ZFPM2: variants seen among roughly 807,000 people sequenced by gnomAD.
ZFPM2 encodes zinc finger protein, FOG family member 2, also known as zinc finger protein ZFPM2.
Under a neutral mutation model 98.6 loss-of-function variants are expected in ZFPM2, and 20 were observed. The ratio of observed to expected loss-of-function variants is 0.20; its 90% CI spans 0.14 to 0.29. The LOEUF (loss-of-function observed/expected upper bound fraction) is 0.29. Ranked by LOEUF, ZFPM2 falls within the 10% of genes least tolerant of loss-of-function variation. The pLI, the probability that ZFPM2 is intolerant of heterozygous loss-of-function variation, is 1.00. For synonymous variants in ZFPM2, 518 were observed against 502.7 expected (o/e 1.03, Z -0.41); for missense variants, 1,310 against 1,388.6 (o/e 0.94, Z 0.90).
chr8:105,453,868 A>T (rs929848626), intron 3 of ZFPM2, among the ~76,000 whole-genome samples: 5 of 151,746 alleles, frequency 3.3e-5, no homozygotes, highest in Non-Finnish European at 7.4e-5. Context: ...CAAGTGATCC[A>T]CCCGCCTCAG....
intron 5 of ZFPM2, among the ~76,000 whole-genome samples, chr8:105,682,744 A>C (rs962676195): frequency 6.6e-6 from 1 of 151,964 alleles, no homozygotes; most frequent in Non-Finnish European, 1.5e-5. Flanking sequence ...TGTATGCTCT[A>C]AAAGATGAGT....
chr8:105,746,663 T>G (rs1812355946), intron 5 of ZFPM2, among the ~76,000 whole-genome samples: 2 of 149,902 alleles, frequency 1.3e-5, no homozygotes, highest in Non-Finnish European at 3.0e-5. Flanking sequence ...AAATTTTTTT[T>G]TTTTTTTTTT....
intron 4 of ZFPM2, among the ~76,000 whole-genome samples, chr8:105,569,869 G>A (rs1216031681): frequency 6.6e-6 from 1 of 152,034 alleles, no homozygotes; most frequent in Non-Finnish European, 1.5e-5. Flanking sequence ...CCCACTGTGA[G>A]CAATTTTCTA....
chr8:105,803,637 CAGG>C lies in ZFPM2; in HGVS notation c.*102_*104del, dbSNP rs1418697086. 25 of 1,202,630 alleles carry C rather than the reference CAGG, an allele frequency of 2.1e-5. No homozygotes were observed. The highest frequency in any genetic ancestry group is 3.0e-5 in the Non-Finnish European group (25 of 846,922). The allele number at this position is 1,202,630 out of a possible 1,614,324, so 74.5% of individuals were successfully genotyped here. A position where few individuals can be genotyped will look rare whatever the true frequency, so the allele number is the denominator to read the frequency against. ...GCTGTTTGAATTACATCTGGGCAAT[CAGG>C]AGATAATTCATTATGGCTGAGTTGA... On this transcript the variant is annotated 3_prime_UTR_variant, in exon 8 of 8. Coordinates refer to ENST00000407775, the MANE Select transcript of ZFPM2 (RefSeq NM_012082.4).
intron 5 of ZFPM2, among the ~76,000 whole-genome samples, chr8:105,721,523 A>T (rs1811664404): frequency 6.6e-6 from 1 of 151,998 alleles, no homozygotes; most frequent in Non-Finnish European, 1.5e-5. Flanking sequence ...TTTTTTAAAA[A>T]AAGTAATATA....
chr8:105,738,399 G>A lies in ZFPM2; in HGVS notation c.533-50319G>A, dbSNP rs113773158. 9.9e-3 allele frequency among the ~76,000 whole-genome samples: 1,509 copies of A among 152,032 alleles called. 26 individuals are homozygous for A. Among genetic ancestry groups the A allele is most frequent in the African/African-American group, 0.034 (1,402 of 41,488 alleles). On this transcript the variant is annotated intron_variant, in intron 5 of 7. Coordinates refer to ENST00000407775, the MANE Select transcript of ZFPM2 (RefSeq NM_012082.4). ...GTATTCTGTGGTGTCTATGTACCACGTTTTCTTTATCCAGTCTATCACTCA... is the reference window on the plus strand; with the variant it reads ...GTATTCTGTGGTGTCTATGTACCACATTTTCTTTATCCAGTCTATCACTCA...
intron 1 of ZFPM2, among the ~76,000 whole-genome samples, chr8:105,373,321 AATC>A (rs1391555781): frequency 6.6e-6 from 1 of 152,200 alleles, no homozygotes; most frequent in Non-Finnish European, 1.5e-5. Context: ...TACATCAAGA[AATC>A]ATTTTGAGCT....
intron 5 of ZFPM2, among the ~76,000 whole-genome samples, chr8:105,727,421 G>A (rs763289508): frequency 6.6e-6 from 1 of 151,626 alleles, no homozygotes; most frequent in Non-Finnish European, 1.5e-5. Context: ...TGTACTATGC[G>A]ATCTCCTACT....
chr8:105,424,905 G>A (rs1811876271), intron 2 of ZFPM2, among the ~76,000 whole-genome samples: 1 of 152,180 alleles, frequency 6.6e-6, no homozygotes, highest in Admixed American at 6.5e-5. Flanking sequence ...TGAGATAGAG[G>A]ATCATGAGGA....
At chr8:105,568,222 C>T (rs146214076) in intron 4 of ZFPM2, among the ~76,000 whole-genome samples, 1 of 152,014 alleles carries the variant, frequency 6.6e-6, no homozygotes, top group Non-Finnish European at 1.5e-5. Flanking sequence ...GTTTTGCAAG[C>T]TTTCCCATTT....
intron 5 of ZFPM2, among the ~76,000 whole-genome samples, chr8:105,710,393 G>C (rs1172501367): frequency 6.6e-6 from 1 of 152,022 alleles, no homozygotes; most frequent in Non-Finnish European, 1.5e-5. Context: ...CTCTTAATAA[G>C]CATATCACTT....
chr8:105,637,909 T>C (rs1446923924), intron 5 of ZFPM2, among the ~76,000 whole-genome samples: 1 of 152,080 alleles, frequency 6.6e-6, no homozygotes, highest in African/African-American at 2.4e-5. Flanking sequence ...GCCTCTTTTG[T>C]TTTCAAGTGG....
At chr8:105,764,323 C>CACACAT in intron 5 of ZFPM2, among the ~76,000 whole-genome samples, 1 of 141,100 alleles carries the variant, frequency 7.1e-6, no homozygotes, top group Non-Finnish European at 1.5e-5. Context: ...CACACACACA[C>CACACAT]ACATATTTGG....
intron 3 of ZFPM2, among the ~76,000 whole-genome samples, chr8:105,510,278 T>C (rs945832130): frequency 6.6e-6 from 1 of 152,176 alleles, no homozygotes; most frequent in African/African-American, 2.4e-5. Context: ...TAAAATAGTT[T>C]TTGAACAATT....
At chr8:105,771,951 T>TA (rs1214883515) in intron 5 of ZFPM2, among the ~76,000 whole-genome samples, 1 of 152,180 alleles carries the variant, frequency 6.6e-6, no homozygotes, top group Non-Finnish European at 1.5e-5. Context: ...TAAATGGTAA[T>TA]AAGATTATGG....
intron 3 of ZFPM2, among the ~76,000 whole-genome samples, chr8:105,449,290 A>C (rs1289139156): frequency 3.3e-5 from 5 of 152,076 alleles, no homozygotes; most frequent in Admixed American, 6.6e-5. Context: ...CTACTTAAAT[A>C]TGCAAATAAG....
At chr8:105,350,236 C>T (rs113538952) in intron 1 of ZFPM2, among the ~76,000 whole-genome samples, 54 of 152,102 alleles carry the variant, frequency 3.6e-4, no homozygotes, top group African/African-American at 1.3e-3. Flanking sequence ...AATAATTTGC[C>T]CAGAGGCTAA....
chr8:105,528,264 A>G (rs1355399505), intron 3 of ZFPM2, among the ~76,000 whole-genome samples: 2 of 152,082 alleles, frequency 1.3e-5, no homozygotes, highest in African/African-American at 4.8e-5. Flanking sequence ...TAAAAAACTC[A>G]AAAGGCTATG....
chr8:105,391,484 C>G (rs1298725655), intron 1 of ZFPM2, among the ~76,000 whole-genome samples: 1 of 152,172 alleles, frequency 6.6e-6, no homozygotes, highest in Non-Finnish European at 1.5e-5. Context: ...TGAAAGATTT[C>G]TCTGTAGCTT....
Sources: allele counts gnomAD v4.1 joint callset (sites outside exome capture counted in the v4.1 genomes callset), GRCh38; gene constraint gnomAD v4.1.1; transcripts MANE v1.5; gene names NCBI Gene and HGNC (gene_info 2026-07-23, HGNC 2026-07-21).